NPAS3: variants seen among roughly 807,000 people sequenced by gnomAD.
The protein encoded by NPAS3 is neuronal PAS domain-containing protein 3.
A neutral mutation model predicts 73.1 loss-of-function variants in NPAS3; 14 were observed. The ratio of observed to expected loss-of-function variants is 0.19; its 90% confidence interval spans 0.13 to 0.30. The LOEUF (loss-of-function observed/expected upper bound fraction) is 0.30, where lower values mean the gene tolerates loss of function less well. Among genes scored for constraint, NPAS3 ranks in the 10% least tolerant of loss-of-function variants. The pLI is 1.00. For synonymous variants in NPAS3, 620 were observed against 541.5 expected (o/e 1.14, Z -2.01); for missense variants, 1,096 against 1,250.0 (o/e 0.88, Z 1.86).
chr14:33,797,367 G>A, intron 10 of NPAS3, 90 bp from the exon 11 acceptor site: 1 of 1,402,058 alleles, frequency 7.1e-7, no homozygotes, highest in Non-Finnish European at 9.9e-7. Flanking sequence ...AACTCCAGAA[G>A]TCTGGGACAA....
chr14:33,056,216 T>C (rs145473872), intron 2 of NPAS3, among the ~76,000 whole-genome samples: 27 of 152,282 alleles, frequency 1.8e-4, no homozygotes, highest in Admixed American at 1.0e-3. Flanking sequence ...TTTTTTGAAA[T>C]TGTGGTCTAA....
intron 2 of NPAS3, among the ~76,000 whole-genome samples, chr14:33,198,236 AGCATGGAAGGG>A (rs2139565605): frequency 6.6e-6 from 1 of 152,316 alleles, no homozygotes; most frequent in African/African-American, 2.4e-5. Flanking sequence ...AAGCTTCCAC[AGCATGGAAGGG>A]GACCCAAGCA....
At chr14:33,395,444 A>G (rs890467988) in intron 4 of NPAS3, among the ~76,000 whole-genome samples, 1 of 151,972 alleles carries the variant, frequency 6.6e-6, no homozygotes, top group Non-Finnish European at 1.5e-5. Context: ...CTTTGTAAAT[A>G]TCACCACTTG....
At chr14:33,378,745 G>A (rs1361215303) in intron 4 of NPAS3, among the ~76,000 whole-genome samples, 2 of 152,188 alleles carry the variant, frequency 1.3e-5, no homozygotes, top group Admixed American at 6.5e-5. Flanking sequence ...AGAAATGGGG[G>A]AGGAGAAAAA....
At chr14:33,638,752 A>C (rs551897030) in intron 5 of NPAS3, among the ~76,000 whole-genome samples, 1 of 152,346 alleles carries the variant, frequency 6.6e-6, no homozygotes, top group East Asian at 1.9e-4. Context: ...CTGTTAGAGC[A>C]AGCATTTCAA....
At chr14:33,099,697 G>A (rs1435031710) in intron 2 of NPAS3, among the ~76,000 whole-genome samples, 1 of 152,188 alleles carries the variant, frequency 6.6e-6, no homozygotes, top group Non-Finnish European at 1.5e-5. Context: ...CCAAGGGATA[G>A]TTGGGAGTCT....
intron 2 of NPAS3, among the ~76,000 whole-genome samples, chr14:33,063,052 C>T (rs945144402): frequency 6.6e-6 from 1 of 152,164 alleles, no homozygotes; most frequent in African/African-American, 2.4e-5. Context: ...ATGGATCTGG[C>T]TTTGATCCTA....
intron 1 of NPAS3, among the ~76,000 whole-genome samples, chr14:33,000,361 GT>G (rs1360886020): frequency 8.5e-5 from 13 of 152,238 alleles, no homozygotes; most frequent in Non-Finnish European, 1.8e-4. Context: ...TAGCCACTGT[GT>G]TTCTCCATAC....
intron 1 of NPAS3, among the ~76,000 whole-genome samples, chr14:32,940,463 C>T (rs1339700149): frequency 6.6e-6 from 1 of 152,210 alleles, no homozygotes; most frequent in Non-Finnish European, 1.5e-5. Context: ...ACATTAATTG[C>T]ATATAGCATA....
In NPAS3 at chr14:33,647,443, C is replaced by T. The variant is rs1567085876; in HGVS notation, c.559-28768C>T. Among the ~76,000 whole-genome samples, 3 of 152,014 alleles carry T rather than the reference C, an allele frequency of 2.0e-5. 1 individual carries two copies. Among genetic ancestry groups the T allele is most frequent in the Admixed American group, 1.3e-4 (2 of 15,260 alleles). Reference sequence around the variant, plus strand: ...TACTTATGCTGCCTTCTGTTTCTTACTGTATTGTCCCCATAGCAAACAAAA... The same window carrying T: ...TACTTATGCTGCCTTCTGTTTCTTATTGTATTGTCCCCATAGCAAACAAAA... On this transcript the variant is annotated intron_variant, in intron 5 of 11. Transcript: ENST00000356141.
At chr14:33,562,457 T>C (rs1326807232) in intron 5 of NPAS3, among the ~76,000 whole-genome samples, 5 of 152,198 alleles carry the variant, frequency 3.3e-5, no homozygotes, top group African/African-American at 9.6e-5. Flanking sequence ...AACTGTCAAA[T>C]ATGCAGGTAG....
chr14:33,239,733 A>G (rs1469286586), intron 3 of NPAS3, among the ~76,000 whole-genome samples: 2 of 151,910 alleles, frequency 1.3e-5, no homozygotes, highest in Non-Finnish European at 2.9e-5. Context: ...ATATTTGCCC[A>G]TTATTGCATA....
intron 4 of NPAS3, among the ~76,000 whole-genome samples, chr14:33,449,606 C>G (rs2049692762): frequency 6.6e-6 from 1 of 152,038 alleles, no homozygotes. Flanking sequence ...CAGACACCCA[C>G]ACACACATAT....
chr14:33,137,610 C>G (rs2043885667), intron 2 of NPAS3, among the ~76,000 whole-genome samples: 1 of 152,106 alleles, frequency 6.6e-6, no homozygotes, highest in Non-Finnish European at 1.5e-5. Flanking sequence ...CAGCTAATAT[C>G]AAGATTAGTG....
intron 4 of NPAS3, among the ~76,000 whole-genome samples, chr14:33,445,197 G>T (rs191095556): frequency 1.3e-5 from 2 of 152,220 alleles, no homozygotes; most frequent in East Asian, 3.9e-4. Flanking sequence ...CTGAGTTGAG[G>T]TGTATACTGC....
intron 1 of NPAS3, among the ~76,000 whole-genome samples, chr14:33,015,235 G>A (rs1268629289): frequency 6.6e-6 from 1 of 152,208 alleles, no homozygotes; most frequent in Non-Finnish European, 1.5e-5. Context: ...GAGACAAACT[G>A]TCTTCATCTG....
chr14:33,059,838 G>C (rs1258087371), intron 2 of NPAS3, among the ~76,000 whole-genome samples: 1 of 152,210 alleles, frequency 6.6e-6, no homozygotes, highest in Non-Finnish European at 1.5e-5. Context: ...ACAGGGTCTT[G>C]CTCTGTTGCC....
At chr14:33,494,546 C>T (rs184431961) in intron 4 of NPAS3, among the ~76,000 whole-genome samples, 6 of 152,140 alleles carry the variant, frequency 3.9e-5, no homozygotes, top group East Asian at 3.9e-4. Flanking sequence ...AGACTAGTGA[C>T]GTTTCAGCTG....
chr14:33,405,948 C>T (rs185361716), intron 4 of NPAS3, among the ~76,000 whole-genome samples: 89 of 151,828 alleles, frequency 5.9e-4, no homozygotes, highest in African/African-American at 2.1e-3. Context: ...TAGCTTATGC[C>T]CTGAGGGGAA....
Sources: allele counts gnomAD v4.1 joint callset (sites outside exome capture counted in the v4.1 genomes callset), GRCh38; gene constraint gnomAD v4.1.1; transcripts MANE v1.5; gene names NCBI Gene and HGNC (gene_info 2026-07-23, HGNC 2026-07-21).